Variants in ADAM22 observed in about 807,000 individuals in gnomAD.
ADAM22 encodes ADAM metallopeptidase domain 22.
In ADAM22, 65 loss-of-function variants were observed where a neutral mutation model predicts 144.6. The ratio of observed to expected loss-of-function variants is 0.45; its 90% CI spans 0.37 to 0.55. ADAM22 has a LOEUF of 0.55. ADAM22 is among the 20% of genes least tolerant of loss of function. The probability of loss-of-function intolerance (pLI) is 0.00; values close to 1 mark genes in which losing one functional copy is unlikely to be tolerated. For synonymous variants in ADAM22, 391 were observed against 412.6 expected (o/e 0.95, Z 0.63); for missense variants, 974 against 1,184.9 (o/e 0.82, Z 2.61).
chr7:88,090,621 T>C (rs1342786035), intron 4 of ADAM22, among the ~76,000 whole-genome samples: 1 of 152,178 alleles, frequency 6.6e-6, no homozygotes, highest in Admixed American at 6.6e-5. Context: ...AATGACTCCA[T>C]TCTCCCCTAA....
intron 3 of ADAM22, among the ~76,000 whole-genome samples, chr7:88,039,103 A>G (rs904687885): frequency 6.6e-6 from 1 of 151,876 alleles, no homozygotes; most frequent in African/African-American, 2.4e-5. Context: ...TCTGCAAAGG[A>G]TGGTAGTCAT....
At chr7:88,055,909 C>G (rs1482294522) in intron 3 of ADAM22, among the ~76,000 whole-genome samples, 1 of 152,206 alleles carries the variant, frequency 6.6e-6, no homozygotes, top group African/African-American at 2.4e-5. Flanking sequence ...TCTTCAACCC[C>G]TATCATGACA....
intron 3 of ADAM22, among the ~76,000 whole-genome samples, chr7:88,021,963 C>T (rs1052078276): frequency 6.6e-6 from 1 of 151,988 alleles, no homozygotes; most frequent in Non-Finnish European, 1.5e-5. Flanking sequence ...GCCTTGAACT[C>T]CAGGGCTCAA....
intron 3 of ADAM22, among the ~76,000 whole-genome samples, chr7:88,014,036 A>G (rs1180157385): frequency 6.6e-6 from 1 of 152,188 alleles, no homozygotes; most frequent in Admixed American, 6.5e-5. Context: ...CTATGAAATC[A>G]TAGGTTTGAT....
At chr7:87,986,389 T>A (rs1462847774) in intron 3 of ADAM22, among the ~76,000 whole-genome samples, 1 of 152,048 alleles carries the variant, frequency 6.6e-6, no homozygotes, top group Non-Finnish European at 1.5e-5. Context: ...AGGGGAACTG[T>A]ATTGGAAGGT....
intron 3 of ADAM22, among the ~76,000 whole-genome samples, chr7:88,021,515 A>G (rs753750574): frequency 6.6e-6 from 1 of 152,192 alleles, no homozygotes; most frequent in Non-Finnish European, 1.5e-5. Flanking sequence ...AAAAATAATA[A>G]ATAGGTTAAG....
chr7:87,949,904 A>G (rs750191900), intron 2 of ADAM22, among the ~76,000 whole-genome samples: 6 of 150,058 alleles, frequency 4.0e-5, no homozygotes, highest in Non-Finnish European at 7.4e-5. Context: ...TATAAATTAT[A>G]ACATTGATTA....
At chr7:87,983,955 G>T (rs1167273666) in intron 3 of ADAM22, among the ~76,000 whole-genome samples, 2 of 151,966 alleles carry the variant, frequency 1.3e-5, no homozygotes, top group Non-Finnish European at 2.9e-5. Flanking sequence ...TTTCTTATTT[G>T]ACCTGTTATT....
chr7:88,021,659 A>C (rs1797856789), intron 3 of ADAM22, among the ~76,000 whole-genome samples: 1 of 152,186 alleles, frequency 6.6e-6, no homozygotes, highest in Non-Finnish European at 1.5e-5. Context: ...GTTCTAAAGC[A>C]CAGTTTCCAG....
intron 21 of ADAM22, among the ~76,000 whole-genome samples, chr7:88,153,824 G>A (rs1287565172): frequency 2.6e-5 from 4 of 152,024 alleles, no homozygotes; most frequent in African/African-American, 7.3e-5. Flanking sequence ...ATTCACTTAC[G>A]TTCCTATTAC....
At chr7:87,982,560 T>C (rs1398815537) in intron 3 of ADAM22, among the ~76,000 whole-genome samples, 3 of 149,900 alleles carry the variant, frequency 2.0e-5, no homozygotes, top group East Asian at 4.0e-4. Context: ...AGAAAGACTT[T>C]GGGTGAAAGT....
intron 3 of ADAM22, among the ~76,000 whole-genome samples, chr7:88,052,663 G>A (rs1000804018): frequency 1.3e-5 from 2 of 152,108 alleles, no homozygotes; most frequent in Non-Finnish European, 2.9e-5. Flanking sequence ...GAAGCTGCAC[G>A]TGATAGTTTC....
At chr7:87,964,720 G>A (rs952754336) in intron 2 of ADAM22, 6 of 366,442 alleles carry the variant, frequency 1.6e-5, no homozygotes, top group Middle Eastern at 3.7e-4. Flanking sequence ...TTTCATTTTG[G>A]ATGTTAGTAT....
At chr7:88,086,210 A>G (rs746186952) in intron 4 of ADAM22, among the ~76,000 whole-genome samples, 3 of 152,202 alleles carry the variant, frequency 2.0e-5, no homozygotes, top group Non-Finnish European at 4.4e-5. Flanking sequence ...TTTAAAAATT[A>G]TCTTTCTCTT....
In ADAM22 at chr7:87,972,324, C is replaced by T. The variant is rs1850664471; in HGVS notation, c.247-6012C>T. Among the ~76,000 whole-genome samples, 4 of 150,906 alleles carry T rather than the reference C, an allele frequency of 2.7e-5. No homozygotes were observed. The South Asian group carries it at 8.4e-4, about 32-fold the overall frequency. On this transcript the variant is annotated intron_variant, in intron 2 of 31. Coordinates refer to ENST00000413139, the MANE Select transcript of ADAM22 (RefSeq NM_001324418.2). ...AGAGAGCCAAATCATGAGTGAACTC[C>T]CATTCACAATTGCTTCAAAGAGAAT...
At chr7:88,094,655 G>A (rs1820781803) in intron 4 of ADAM22, among the ~76,000 whole-genome samples, 1 of 152,190 alleles carries the variant, frequency 6.6e-6, no homozygotes, top group Non-Finnish European at 1.5e-5. Context: ...TAACTCTGTG[G>A]ATGGCAGAGT....
At chr7:88,135,373 A>G (rs1339442002) in intron 13 of ADAM22, among the ~76,000 whole-genome samples, 1 of 151,628 alleles carries the variant, frequency 6.6e-6, no homozygotes, top group African/African-American at 2.4e-5. Flanking sequence ...CCATTTAGAT[A>G]CTCATTTAAT....
In ADAM22 at chr7:87,934,350, G is replaced by A. The variant is rs907092640; in HGVS notation, c.-116G>A. On this transcript the variant is annotated 5_prime_UTR_variant, in exon 1 of 32. Coordinates refer to ENST00000413139, the MANE Select transcript of ADAM22 (RefSeq NM_001324418.2). The stretch of plus-strand genomic sequence containing the variant: ...CGCCACGGCCGCCGCAGCACCGGCC[G>A]GGGCTGGGTGGAGGTGGCCGCGGGG... 7 of 925,238 alleles carry A rather than the reference G, an allele frequency of 7.6e-6. No homozygotes were observed. Among genetic ancestry groups the A allele is most frequent in the Non-Finnish European group, 7.8e-6 (5 of 637,520 alleles). The allele number at this position is 925,238 out of a possible 1,614,324, so 57.3% of individuals were successfully genotyped here.
intron 1 of ADAM22, 54 bp from the exon 2 acceptor site, chr7:87,934,972 T>G (rs1421571898): frequency 6.2e-7 from 1 of 1,609,812 alleles, no homozygotes; most frequent in Non-Finnish European, 8.5e-7. Flanking sequence ...AGGGTCAGGG[T>G]CATTATTTTC....
Sources: allele counts gnomAD v4.1 joint callset (sites outside exome capture counted in the v4.1 genomes callset), GRCh38; gene constraint gnomAD v4.1.1; transcripts MANE v1.5; gene names NCBI Gene and HGNC (gene_info 2026-07-23, HGNC 2026-07-21).